JAKMIP2: variants seen among roughly 807,000 people sequenced by gnomAD.
The protein encoded by JAKMIP2 is janus kinase and microtubule-interacting protein 2.
A neutral mutation model predicts 115.0 loss-of-function variants in JAKMIP2; 25 were observed. The observed-to-expected ratio is 0.22, with a 90% CI of 0.16 to 0.30. JAKMIP2 has a LOEUF of 0.30. JAKMIP2 is among the 10% of genes least tolerant of loss of function. The probability of loss-of-function intolerance (pLI) is 1.00; values close to 1 mark genes in which losing one functional copy is unlikely to be tolerated. For missense variants in JAKMIP2, 642 were observed against 957.6 expected, an observed-to-expected ratio of 0.67 and a Z score of 4.35; for synonymous variants, 334 against 343.6, an observed-to-expected ratio of 0.97 and a Z score of 0.31.
In JAKMIP2 at chr5:147,661,081, T is replaced by C; in HGVS notation, c.494A>G (p.Gln165Arg). ...EIADLKTAKK[Q>R]VDEALSNMIQ... ...CATATTGCTCAGAGCCTCGTCCACC[T>C]GCTTCTTGGCCGTTTTCAGGTCCGC... Residue 165 changes from glutamine to arginine, a missense_variant, in exon 3 of 22, where the codon CAG becomes CGG. Physicochemically the swap from Gln to Arg is conservative, Grantham distance 43. Around this residue, in one of 6 missense-constraint regions of JAKMIP2, gnomAD observed 439 missense variants for 570.9 expected, o/e 0.77. Transcript: ENST00000616793. 1 of 1,614,110 alleles carries C rather than the reference T, an allele frequency of 6.2e-7. No homozygotes were observed. The highest frequency in any genetic ancestry group is 1.1e-5 in the South Asian group (1 of 91,068).
chr5:147,698,982 A>G (rs1027282740), intron 1 of JAKMIP2, among the ~76,000 whole-genome samples: 6 of 152,078 alleles, frequency 3.9e-5, no homozygotes, highest in Non-Finnish European at 8.8e-5. Context: ...ATTTATCACA[A>G]TCTACGTTAT....
At chr5:147,605,575 A>G (rs1024482791) in intron 20 of JAKMIP2, among the ~76,000 whole-genome samples, 25 of 152,092 alleles carry the variant, frequency 1.6e-4, no homozygotes, top group Non-Finnish European at 4.4e-5. Flanking sequence ...AGTCTTTGTT[A>G]TTGTGAATAG....
chr5:147,618,100 T>C lies in JAKMIP2; in HGVS notation c.2157A>G (p.Leu719=), dbSNP rs200965481. 4.6e-5 allele frequency: 74 copies of C among 1,613,508 alleles called. No homozygotes were observed. In the Admixed American group the frequency reaches 9.5e-4, roughly 21 times the overall value. ...GTAGAGCATTGTACAAAGTAGCTTC[T>C]AGTTCCTGGATTCTCTGGCAAATAG... ...LDQAYMRIQE[L]EATLYNALQQ... The change falls in exon 19 of 22, where the codon CTA becomes CTG. Residue 719 remains leucine (L), a synonymous_variant. Transcript: ENST00000616793.
At chr5:147,595,672 A>AATAAAT in intron 21 of JAKMIP2, 1 of 331,050 alleles carries the variant, frequency 3.0e-6, no homozygotes, top group South Asian at 2.5e-5. Context: ...TACATAAAAT[A>AATAAAT]ATAAATATAA....
intron 5 of JAKMIP2, among the ~76,000 whole-genome samples, chr5:147,647,850 G>A (rs1004046222): frequency 6.6e-6 from 1 of 152,086 alleles, no homozygotes; most frequent in African/African-American, 2.4e-5. Context: ...ACGACATGTA[G>A]AAGCACTGTT....
intron 1 of JAKMIP2, among the ~76,000 whole-genome samples, chr5:147,736,385 G>C (rs1037360681): frequency 1.8e-4 from 27 of 152,062 alleles, no homozygotes; most frequent in African/African-American, 5.6e-4. Flanking sequence ...TTGAACCTGG[G>C]GGGTGGAGGT....
chr5:147,645,012 TGAAG>T lies in JAKMIP2; in HGVS notation c.937-20_937-17del. ...CACGTTTTAACTGGGAAGAAATAAGTGAAGATTTGTGTCTTGCGTTTGGGGGACG... is the reference window on the plus strand; with the variant it reads ...CACGTTTTAACTGGGAAGAAATAAGTATTTGTGTCTTGCGTTTGGGGGACG... On this transcript the variant is annotated splice_polypyrimidine_tract_variant and intron_variant, in intron 5 of 21. Coordinates refer to ENST00000616793, the MANE Select transcript of JAKMIP2 (RefSeq NM_001270941.2). 1 of 1,611,426 alleles carries T rather than the reference TGAAG, an allele frequency of 6.2e-7. No homozygotes were observed. The highest frequency in any genetic ancestry group is 8.5e-7 in the Non-Finnish European group (1 of 1,179,442).
At chr5:147,635,031 G>C (rs1757544758) in intron 12 of JAKMIP2, among the ~76,000 whole-genome samples, 1 of 152,084 alleles carries the variant, frequency 6.6e-6, no homozygotes, top group South Asian at 2.1e-4. Flanking sequence ...ATTTAAATTA[G>C]TCAGATGTGG....
intron 3 of JAKMIP2, among the ~76,000 whole-genome samples, chr5:147,651,189 T>C (rs1292206844): frequency 1.3e-5 from 2 of 152,210 alleles, no homozygotes; most frequent in Non-Finnish European, 2.9e-5. Flanking sequence ...AAGAAAATCA[T>C]GGTTGGGATT....
intron 20 of JAKMIP2, among the ~76,000 whole-genome samples, chr5:147,609,846 C>T (rs1209080215): frequency 6.6e-6 from 1 of 152,138 alleles, no homozygotes; most frequent in Non-Finnish European, 1.5e-5. Flanking sequence ...TACACATAGT[C>T]TCATAGTCTC....
intron 1 of JAKMIP2, among the ~76,000 whole-genome samples, chr5:147,721,710 G>C (rs1035076676): frequency 1.3e-5 from 2 of 151,952 alleles, no homozygotes; most frequent in African/African-American, 4.8e-5. Flanking sequence ...GCTTCGGCTC[G>C]CGCACGGTGC....
chr5:147,731,860 G>A (rs748475769), intron 1 of JAKMIP2, among the ~76,000 whole-genome samples: 1 of 152,128 alleles, frequency 6.6e-6, no homozygotes, highest in Non-Finnish European at 1.5e-5. Flanking sequence ...GCAGAAACCC[G>A]ACGCAACACA....
Position 147,745,353 on chromosome 5 carries a change from G to T in JAKMIP2, c.-149+37103C>A, listed in dbSNP as rs184576911. Among the ~76,000 whole-genome samples the T allele has an allele frequency of 3.0e-4, 46 of 152,222 alleles. No individual in the cohort carries two copies. In the Middle Eastern group the frequency reaches 0.017, roughly 56 times the overall value. ...GGTTTCCAAACCTTTGAGTTTTGTT[G>T]GATTCTGCTTGATTAACCACTCCTT... On this transcript the variant is annotated intron_variant, in intron 1 of 21. Coordinates refer to ENST00000616793, the MANE Select transcript of JAKMIP2 (RefSeq NM_001270941.2).
At chr5:147,679,062 C>A (rs1760125445) in intron 1 of JAKMIP2, among the ~76,000 whole-genome samples, 1 of 152,002 alleles carries the variant, frequency 6.6e-6, no homozygotes, top group Non-Finnish European at 1.5e-5. Flanking sequence ...ATCACTGCAA[C>A]CTCGGCCTCC....
chr5:147,674,940 T>C (rs1266886275), intron 1 of JAKMIP2, among the ~76,000 whole-genome samples: 2 of 152,154 alleles, frequency 1.3e-5, no homozygotes, highest in Non-Finnish European at 2.9e-5. Context: ...TGAGGGGTAA[T>C]ACAGCCCTCA....
At chr5:147,680,695 T>C (rs561875380) in intron 1 of JAKMIP2, among the ~76,000 whole-genome samples, 40 of 152,312 alleles carry the variant, frequency 2.6e-4, no homozygotes, top group African/African-American at 7.9e-4. Context: ...TGCAGTGACA[T>C]CCTGTCACTT....
chr5:147,660,455 A>G, intron 3 of JAKMIP2: 1 of 454,178 alleles, frequency 2.2e-6, no homozygotes, highest in Non-Finnish European at 4.4e-6. Context: ...TTTTTCAGTC[A>G]TGGTTTCTGG....
At chr5:147,682,504 G>C (rs1471561375) in intron 1 of JAKMIP2, among the ~76,000 whole-genome samples, 1 of 152,202 alleles carries the variant, frequency 6.6e-6, no homozygotes, top group Admixed American at 6.5e-5. Flanking sequence ...TATATATACA[G>C]AATGATAACT....
At chr5:147,759,269 A>T (rs1007500115) in intron 1 of JAKMIP2, among the ~76,000 whole-genome samples, 3 of 152,058 alleles carry the variant, frequency 2.0e-5, no homozygotes, top group Non-Finnish European at 4.4e-5. Flanking sequence ...GGAGAAGGGG[A>T]GCAGAGAGAA....
Sources: gnomAD v4.1 joint callset for allele counts (sites outside exome capture counted in the v4.1 genomes callset) on GRCh38, gnomAD v4.1.1 for gene constraint, gnomAD v4.1.1 regional missense constraint, MANE v1.5 for transcripts, NCBI Gene and HGNC (gene_info 2026-07-23, HGNC 2026-07-21) for gene names.